The following INSL6 variants were observed in gnomAD, a reference collection of about 807,000 sequenced individuals.
INSL6 encodes the protein insulin like 6.
INSL6 carries 16 observed loss-of-function variants against 9.4 expected under a neutral mutation model. The ratio of observed to expected loss-of-function variants is 1.70; its 90% CI spans 1.15 to 2.59. The LOEUF is 2.59. INSL6 is among the 30% of genes most tolerant of loss of function. The probability of loss-of-function intolerance (pLI) is 0.00; values close to 1 mark genes in which losing one functional copy is unlikely to be tolerated. For missense variants in INSL6, 391 were observed against 257.3 expected (o/e 1.52, Z -3.56); for synonymous variants, 154 against 96.9 (o/e 1.59, Z -3.46).
the INSL6 span, chr9:5,041,073 T>A: frequency 2.9e-6 from 2 of 690,754 alleles, no homozygotes; most frequent in Non-Finnish European, 5.2e-6. Flanking sequence ...CCCTCAGGTC[T>A]ACTACCTACT....
the INSL6 span, among the ~76,000 whole-genome samples, chr9:4,998,400 G>A: frequency 6.6e-6 from 1 of 152,024 alleles, no homozygotes; most frequent in Non-Finnish European, 1.5e-5. Context: ...GGGATTATAG[G>A]CGCGCACCAC....
At chr9:5,045,371 T>G in the INSL6 span, among the ~76,000 whole-genome samples, 3 of 152,202 alleles carry the variant, frequency 2.0e-5, no homozygotes, top group African/African-American at 7.2e-5. Flanking sequence ...CATTTCTCTA[T>G]TGGGGTATGA....
chr9:5,163,596 A>T (rs1348556639), downstream of INSL6, among the ~76,000 whole-genome samples: 1 of 151,718 alleles, frequency 6.6e-6, no homozygotes, highest in Non-Finnish European at 1.5e-5. Flanking sequence ...GATGGAAAGC[A>T]GAAGGTTCCA....
the INSL6 span, chr9:5,112,210 C>G: frequency 3.7e-6 from 1 of 273,080 alleles, no homozygotes; most frequent in Admixed American, 4.7e-5. Context: ...CCCCATGCTG[C>G]TGGTGGGGGC....
chr9:5,145,691 C>T lies in INSL6; in HGVS notation c.377-12099G>A, dbSNP rs374905581. ...TTTTTCTCTATTCTTGTCTACCTGC[C>T]TTATTTAAGAAAGGCAGTCTTCAGG... On this transcript the variant is annotated intron_variant, in intron 2 of 3. Transcript: ENST00000649639. Among the ~76,000 whole-genome samples, 4 of 152,172 alleles carry T rather than the reference C, an allele frequency of 2.6e-5. No individual in the cohort carries two copies. In the East Asian group the frequency reaches 7.7e-4, roughly 29 times the overall value.
chr9:5,137,790 A>G (rs1038927899), intron 2 of INSL6, among the ~76,000 whole-genome samples: 9 of 152,220 alleles, frequency 5.9e-5, no homozygotes, highest in Non-Finnish European at 8.8e-5. Context: ...CTATCATCAG[A>G]GTGAACAGGT....
At chr9:5,076,932 T>C in the INSL6 span, among the ~76,000 whole-genome samples, 1 of 145,162 alleles carries the variant, frequency 6.9e-6, no homozygotes, top group Admixed American at 7.0e-5. Context: ...AAAATATGTT[T>C]TATATATTTT....
the INSL6 span, chr9:5,054,806 A>T: frequency 6.2e-7 from 1 of 1,612,992 alleles, no homozygotes; most frequent in Non-Finnish European, 8.5e-7. This position sits in a 1 kb window ranked among gnomAD's most constrained non-coding sequence, Gnocchi z 4.9. Flanking sequence ...AGATTTTTGC[A>T]ACCATTATAA....
the INSL6 span, among the ~76,000 whole-genome samples, chr9:5,104,598 A>T: frequency 6.6e-6 from 1 of 152,156 alleles, no homozygotes; most frequent in Non-Finnish European, 1.5e-5. Flanking sequence ...CCTAGCAGAG[A>T]CACCACAAAA....
chr9:5,140,728 CTTAATT>C (rs991641876), intron 2 of INSL6, among the ~76,000 whole-genome samples: 22 of 151,716 alleles, frequency 1.5e-4, no homozygotes, highest in South Asian at 1.0e-3. Flanking sequence ...TTTTTTTCCC[CTTAATT>C]TTAAGTTCAG....
At chr9:5,019,304 A>C in the INSL6 span, among the ~76,000 whole-genome samples, 1 of 152,094 alleles carries the variant, frequency 6.6e-6, no homozygotes, top group Admixed American at 6.5e-5. Context: ...AAGTTCAGAA[A>C]TTCTTTCTTC....
intron 3 of INSL6, among the ~76,000 whole-genome samples, chr9:5,130,815 G>T (rs181924636): frequency 6.6e-6 from 1 of 150,468 alleles, no homozygotes; most frequent in African/African-American, 2.4e-5. Context: ...TGCAAGCTCC[G>T]CCTCCCGGGT....
At chr9:5,170,018 T>C (rs1310916942) in intron 1 of INSL6, among the ~76,000 whole-genome samples, 1 of 152,222 alleles carries the variant, frequency 6.6e-6, no homozygotes. Context: ...CAAATGGACC[T>C]GATAGATATC....
At chr9:5,140,356 T>C (rs1004415585) in intron 2 of INSL6, among the ~76,000 whole-genome samples, 9 of 152,102 alleles carry the variant, frequency 5.9e-5, no homozygotes, top group South Asian at 2.1e-4. Context: ...ACCACACTTA[T>C]ATTAGTCATC....
At chr9:5,058,344 G>A in the INSL6 span, among the ~76,000 whole-genome samples, 2 of 152,158 alleles carry the variant, frequency 1.3e-5, no homozygotes, top group Non-Finnish European at 2.9e-5. Flanking sequence ...TGAAGGGCAA[G>A]GAAGCCATGT....
At chr9:5,114,244 C>T in the INSL6 span, 4 of 533,432 alleles carry the variant, frequency 7.5e-6, no homozygotes, top group Non-Finnish European at 1.5e-5. Flanking sequence ...AAGTTGCCCA[C>T]AATCACCTGT....
the INSL6 span, among the ~76,000 whole-genome samples, chr9:5,062,810 T>C: frequency 6.6e-6 from 1 of 152,180 alleles, no homozygotes; most frequent in African/African-American, 2.4e-5. Flanking sequence ...TTTCCTTAAT[T>C]AGAACCTGAG....
At chr9:5,091,362 G>A in the INSL6 span, 1 of 152,764 alleles carries the variant, frequency 6.5e-6, no homozygotes, top group African/African-American at 2.4e-5. Flanking sequence ...ATATTTGAGG[G>A]GCCTTATTAT....
the INSL6 span, among the ~76,000 whole-genome samples, chr9:5,059,022 T>G: frequency 6.6e-6 from 1 of 152,216 alleles, no homozygotes; most frequent in African/African-American, 2.4e-5. Flanking sequence ...GCGCAGATGT[T>G]TTAAAGTTTT....
Sources: allele counts gnomAD v4.1 joint callset (sites outside exome capture counted in the v4.1 genomes callset), GRCh38; gene constraint gnomAD v4.1.1; non-coding constraint Gnocchi (gnomAD v3.1); transcripts MANE v1.5; gene names NCBI Gene and HGNC (gene_info 2026-07-23, HGNC 2026-07-21).